The following SUMF1 variants were observed in gnomAD, a reference collection of about 807,000 sequenced individuals.
SUMF1 encodes the protein formylglycine-generating enzyme.
SUMF1 carries 48 observed loss-of-function variants against 47.6 expected under a neutral mutation model. The observed-to-expected ratio is 1.01, with a 90% CI of 0.80 to 1.28. SUMF1 has a LOEUF of 1.28. Ranked by LOEUF, SUMF1 falls within the 50% of genes most tolerant of loss-of-function variation. The pLI, the probability that SUMF1 is intolerant of heterozygous loss-of-function variation, is 0.00. For missense variants in SUMF1, 571 were observed against 485.4 expected, an observed-to-expected ratio of 1.18 and a Z score of -1.66; for synonymous variants, 230 against 192.1, an observed-to-expected ratio of 1.20 and a Z score of -1.63.
intron 8 of SUMF1, among the ~76,000 whole-genome samples, chr3:4,309,548 A>T (rs1698321792): frequency 6.6e-6 from 1 of 152,192 alleles, no homozygotes. Context: ...AAATCAGAAA[A>T]GTCCAAGTGG....
chr3:4,077,360 T>A (rs1271686568), intron 8 of SUMF1, among the ~76,000 whole-genome samples: 2 of 152,128 alleles, frequency 1.3e-5, no homozygotes, highest in African/African-American at 4.8e-5. Flanking sequence ...TGCACACGTA[T>A]GTTTATTGTG....
intron 9 of SUMF1, among the ~76,000 whole-genome samples, chr3:4,067,424 A>G (rs1037629983): frequency 1.3e-5 from 2 of 152,168 alleles, no homozygotes; most frequent in Non-Finnish European, 2.9e-5. Flanking sequence ...AGGCCATCCC[A>G]CTATTCTGTT....
rs748234156 is a variant in SUMF1, at chr3:4,467,050, C to T, written c.196G>A (p.Ala66Thr). Residue 66 changes from alanine (A) to threonine (T), a missense_variant, in exon 1 of 9, where the codon GCC (alanine) becomes ACC (threonine). Physicochemically the swap from Ala to Thr is moderately conservative, Grantham distance 58 (BLOSUM62 0). Transcript: ENST00000272902. ...GCCTCCCGCGAGTATCGGTGAGCGG[C>T]TGCCGAACTGCCATGGGCGCCAGGC... ...QRPGAHGSSAAAHRYSREANA... is the reference protein window; with the variant it reads ...QRPGAHGSSATAHRYSREANA... The T allele has an allele frequency of 6.4e-6, 10 of 1,569,208 alleles. No individual in the cohort carries two copies. Among genetic ancestry groups the T allele is most frequent in the South Asian group, 3.5e-5 (3 of 86,166 alleles).
chr3:4,250,505 G>A (rs182774482), intron 8 of SUMF1, among the ~76,000 whole-genome samples: 160 of 152,170 alleles, frequency 1.1e-3, no homozygotes, highest in East Asian at 4.3e-3. Context: ...TAAAGGTAGC[G>A]ACACTGAACA....
At chr3:4,372,437 T>C (rs1700198258) in intron 8 of SUMF1, among the ~76,000 whole-genome samples, 1 of 152,228 alleles carries the variant, frequency 6.6e-6, no homozygotes, top group Non-Finnish European at 1.5e-5. Context: ...TTTCCTTTTA[T>C]TGATTTTCAC....
At chr3:4,225,154 A>C (rs1365969490) in intron 8 of SUMF1, among the ~76,000 whole-genome samples, 4 of 152,086 alleles carry the variant, frequency 2.6e-5, no homozygotes, top group Non-Finnish European at 5.9e-5. Flanking sequence ...CTTGGGAGAA[A>C]AACATCTCCA....
At chr3:4,307,077 A>G (rs930148329) in intron 8 of SUMF1, among the ~76,000 whole-genome samples, 1 of 152,246 alleles carries the variant, frequency 6.6e-6, no homozygotes, top group African/African-American at 2.4e-5. Flanking sequence ...ATGAGGCTAG[A>G]GGCCAAGTAC....
intron 8 of SUMF1, among the ~76,000 whole-genome samples, chr3:4,366,334 C>T (rs146438761): frequency 6.6e-6 from 1 of 152,198 alleles, no homozygotes; most frequent in African/African-American, 2.4e-5. Context: ...TCCATTCTCC[C>T]CGTCACTTTC....
At chr3:4,105,954 A>C (rs1294615077) in intron 8 of SUMF1, among the ~76,000 whole-genome samples, 4 of 152,084 alleles carry the variant, frequency 2.6e-5, no homozygotes, top group African/African-American at 9.7e-5. Context: ...TTTTTACTCA[A>C]AATTATGTTT....
chr3:4,232,712 G>A (rs1696328803), intron 8 of SUMF1, among the ~76,000 whole-genome samples: 1 of 151,512 alleles, frequency 6.6e-6, no homozygotes, highest in Non-Finnish European at 1.5e-5. Context: ...TTTTTAAAAG[G>A]CAGTCCGGGG....
chr3:4,262,409 C>G (rs1473978202), intron 8 of SUMF1, among the ~76,000 whole-genome samples: 2 of 152,176 alleles, frequency 1.3e-5, no homozygotes, highest in Non-Finnish European at 2.9e-5. Context: ...TAATATTTCT[C>G]TATGTGCCAA....
At chr3:4,328,102 A>C (rs116412270) in intron 8 of SUMF1, among the ~76,000 whole-genome samples, 1,837 of 152,198 alleles carry the variant, frequency 0.012, 20 homozygotes, top group African/African-American at 0.037. Flanking sequence ...CCTGTAGTCC[A>C]AGGTACTTAG....
chr3:4,396,378 A>C (rs1156436615), intron 7 of SUMF1, among the ~76,000 whole-genome samples: 1 of 152,220 alleles, frequency 6.6e-6, no homozygotes, highest in African/African-American at 2.4e-5. Context: ...AAAGTCTTAC[A>C]AGAGATTGCA....
At chr3:4,456,039 T>C (rs1703149597) in intron 1 of SUMF1, among the ~76,000 whole-genome samples, 1 of 151,984 alleles carries the variant, frequency 6.6e-6, no homozygotes. Context: ...TTAAGTGGGG[T>C]TTATCCCTAG....
At position 4,057,038 on chromosome 3, in the gene SUMF1, G is replaced by A. The variant is rs138321871; in HGVS notation, c.1191+11531C>T. On this transcript the variant is annotated intron_variant and NMD_transcript_variant, in intron 9 of 12. Transcript: ENST00000448413. ...TGGGATCACAGGCGTGAGCCACCGC[G>A]CCCGGCCGTGATCCATAATTTTTAC... is the stretch of plus-strand genomic sequence containing the variant. Among the ~76,000 whole-genome samples the A allele has an allele frequency of 4.9e-3, 751 of 152,198 alleles. 7 individuals carry two copies. The highest frequency in any genetic ancestry group is 0.017 in the African/African-American group (712 of 41,524).
intron 9 of SUMF1, among the ~76,000 whole-genome samples, chr3:4,061,498 C>T (rs1442849120): frequency 6.6e-6 from 1 of 152,082 alleles, no homozygotes; most frequent in African/African-American, 2.4e-5. Flanking sequence ...ATATAAACCC[C>T]TGATTTTGGT....
chr3:4,404,879 T>C (rs1701327115), intron 7 of SUMF1, among the ~76,000 whole-genome samples: 1 of 152,206 alleles, frequency 6.6e-6, no homozygotes, highest in Non-Finnish European at 1.5e-5. Flanking sequence ...ACTCAATGAA[T>C]GCTTGCTTGA....
chr3:4,436,540 G>C (rs1486339174), intron 3 of SUMF1, among the ~76,000 whole-genome samples: 2 of 150,822 alleles, frequency 1.3e-5, no homozygotes, highest in African/African-American at 2.4e-5. Context: ...AAATAAGTGA[G>C]AATAGAGAAA....
At chr3:4,263,379 T>G (rs913078499) in intron 8 of SUMF1, among the ~76,000 whole-genome samples, 6 of 152,192 alleles carry the variant, frequency 3.9e-5, no homozygotes, top group African/African-American at 1.2e-4. Context: ...GTGTGATGTT[T>G]TCAAAAAATC....
Sources: allele counts gnomAD v4.1 joint callset (sites outside exome capture counted in the v4.1 genomes callset), GRCh38; gene constraint gnomAD v4.1.1; transcripts MANE v1.5; gene names NCBI Gene and HGNC (gene_info 2026-07-23, HGNC 2026-07-21).